ATXN1: variants seen among roughly 807,000 people sequenced by gnomAD.
The protein encoded by ATXN1 is ataxin 1.
A neutral mutation model predicts 56.4 loss-of-function variants in ATXN1; 8 were observed. That is an observed-to-expected ratio of 0.14 (90% CI 0.08 to 0.26). ATXN1 has a LOEUF of 0.26. ATXN1 is among the 10% of genes least tolerant of loss of function. The pLI is 1.00. For missense variants in ATXN1, 987 were observed against 1,106.5 expected, an observed-to-expected ratio of 0.89 and a Z score of 1.53; for synonymous variants, 514 against 494.6, an observed-to-expected ratio of 1.04 and a Z score of -0.52.
intron 4 of ATXN1, among the ~76,000 whole-genome samples, chr6:16,562,937 G>A (rs1427813520): frequency 1.3e-5 from 2 of 151,612 alleles, no homozygotes; most frequent in Non-Finnish European, 2.9e-5. Flanking sequence ...AGGAGAGGGA[G>A]ATAACCTAGG....
chr6:16,714,895 T>C (rs867592678), intron 2 of ATXN1, among the ~76,000 whole-genome samples: 25 of 151,754 alleles, frequency 1.6e-4, no homozygotes, highest in South Asian at 4.2e-4. Flanking sequence ...TTCTATGCCA[T>C]CAAGTCACAG....
At chr6:16,730,226 G>A (rs1471974093) in intron 2 of ATXN1, among the ~76,000 whole-genome samples, 1 of 152,144 alleles carries the variant, frequency 6.6e-6, no homozygotes, top group Non-Finnish European at 1.5e-5. Flanking sequence ...TTACAGTGAC[G>A]TGAGATTGTG....
intron 4 of ATXN1, among the ~76,000 whole-genome samples, chr6:16,581,485 T>C (rs1174839813): frequency 1.3e-5 from 2 of 151,512 alleles, no homozygotes. Context: ...ATAAAAGAAA[T>C]CTCTGAGCAG....
chr6:16,654,025 C>T (rs934262331), intron 3 of ATXN1, among the ~76,000 whole-genome samples: 3 of 152,154 alleles, frequency 2.0e-5, no homozygotes. Flanking sequence ...ATTCATAAGC[C>T]TGGTGTTGCT....
At chr6:16,549,561 G>A (rs1024801768) in intron 4 of ATXN1, among the ~76,000 whole-genome samples, 2 of 152,166 alleles carry the variant, frequency 1.3e-5, no homozygotes, top group Non-Finnish European at 2.9e-5. Flanking sequence ...GGATACCACC[G>A]ATGCCCCAGG....
At chr6:16,736,942 T>C (rs777286583) in intron 2 of ATXN1, 4 of 152,202 alleles carry the variant, frequency 2.6e-5, no homozygotes, top group Non-Finnish European at 5.9e-5. Flanking sequence ...AGCAAGATCA[T>C]TGCTCCTTCA....
At chr6:16,672,857 A>G (rs1344000699) in intron 2 of ATXN1, among the ~76,000 whole-genome samples, 1 of 152,008 alleles carries the variant, frequency 6.6e-6, no homozygotes, top group East Asian at 1.9e-4. Context: ...CCACTCTAGT[A>G]AAAATATAAA....
intron 4 of ATXN1, among the ~76,000 whole-genome samples, chr6:16,579,486 C>CCCCCA (rs1554117224): frequency 1.7e-5 from 1 of 58,248 alleles, no homozygotes; most frequent in Non-Finnish European, 5.8e-5. Flanking sequence ...CAAAGCCCCC[C>CCCCCA]CCCCCCACCC....
At chr6:16,682,592 T>G (rs749688835) in intron 2 of ATXN1, among the ~76,000 whole-genome samples, 8 of 152,130 alleles carry the variant, frequency 5.3e-5, no homozygotes, top group South Asian at 2.1e-4. Flanking sequence ...GAAAGGAACA[T>G]GTAAAAGTGG....
Position 16,306,667 on chromosome 6 carries a change from C to A in ATXN1, c.2110G>T (p.Ala704Ser). 6.2e-7 allele frequency: 1 copy of A among 1,614,202 alleles called. No individual in the cohort carries two copies. The highest frequency in any genetic ancestry group is 1.1e-5 in the South Asian group (1 of 91,088). ...TTTGAGTGCTTCAGCAGGACGCTGGCGGGATCCACGGGCTGGCCCTTTTTA... is the reference window on the plus strand; with the variant it reads ...TTTGAGTGCTTCAGCAGGACGCTGGAGGGATCCACGGGCTGGCCCTTTTTA... Reference protein sequence around the residue: ...SVKKGQPVDPASVLLKHSKAD... With the variant: ...SVKKGQPVDPSSVLLKHSKAD... The change falls in exon 8 of 8, where the codon GCC (alanine) becomes TCC (serine). Residue 704 changes from alanine to serine, a missense_variant. Ala to Ser is a moderately conservative substitution (Grantham distance 99). Around this residue, in one of 3 missense-constraint regions of ATXN1, gnomAD observed 196 missense variants for 196.7 expected, o/e 1.00. Transcript: ENST00000436367. The surrounding 1 kb of genome is among the most constrained non-coding windows in gnomAD (Gnocchi z 5.2).
At chr6:16,491,090 ATTT>A (rs35884389) in intron 5 of ATXN1, among the ~76,000 whole-genome samples, 2 of 78,306 alleles carry the variant, frequency 2.6e-5, no homozygotes, top group Non-Finnish European at 4.4e-5. Context: ...GGATCCCTGG[ATTT>A]TTTTTTTTTT....
chr6:16,645,005 T>A (rs1441677898), intron 3 of ATXN1, among the ~76,000 whole-genome samples: 1 of 152,218 alleles, frequency 6.6e-6, no homozygotes, highest in Non-Finnish European at 1.5e-5. Flanking sequence ...TTACATAATA[T>A]GTGCTTGTAG....
chr6:16,636,844 C>T (rs530776022), intron 3 of ATXN1, among the ~76,000 whole-genome samples: 4 of 152,128 alleles, frequency 2.6e-5, no homozygotes, highest in Admixed American at 2.6e-4. Context: ...AATAAAGGAA[C>T]TCTTTGAAAA....
intron 2 of ATXN1, among the ~76,000 whole-genome samples, chr6:16,660,048 T>A (rs1758285163): frequency 6.6e-6 from 1 of 152,250 alleles, no homozygotes; most frequent in African/African-American, 2.4e-5. Flanking sequence ...ATCGCTGACC[T>A]TCATTTGCAC....
At chr6:16,525,116 C>T (rs1285110729) in intron 4 of ATXN1, among the ~76,000 whole-genome samples, 1 of 152,084 alleles carries the variant, frequency 6.6e-6, no homozygotes, top group Non-Finnish European at 1.5e-5. Context: ...TTTCCTCACC[C>T]CTCACAAGTA....
intron 5 of ATXN1, among the ~76,000 whole-genome samples, chr6:16,520,053 A>C (rs1761257412): frequency 6.6e-6 from 1 of 152,178 alleles, no homozygotes; most frequent in Non-Finnish European, 1.5e-5. Flanking sequence ...GTTGCTATGG[A>C]ACCAATGCAT....
In ATXN1 at chr6:16,554,462, A is replaced by G. The variant is rs1026666194; in HGVS notation, c.-361+31318T>C. Among the ~76,000 whole-genome samples, 3 of 151,872 alleles carry G rather than the reference A, an allele frequency of 2.0e-5. No individual in the cohort carries two copies. In the South Asian group the frequency reaches 6.2e-4, roughly 32 times the overall value. On this transcript the variant is annotated intron_variant, in intron 4 of 7. Transcript: ENST00000436367. The stretch of plus-strand genomic sequence containing the variant: ...TGTCCCTCATGTCTACAGCTTTTTT[A>G]TTTTTTGAGATGGAGTTTGGTTCTT...
At chr6:16,388,767 A>G (rs569785753) in intron 6 of ATXN1, among the ~76,000 whole-genome samples, 22 of 152,320 alleles carry the variant, frequency 1.4e-4, no homozygotes, top group African/African-American at 5.3e-4. Context: ...GCCTCTGCTC[A>G]TGGGTTACTG....
At position 16,760,938 on chromosome 6, in the gene ATXN1, G is replaced by T. The variant is rs1177306362; in HGVS notation, c.-730+360C>A. Among the ~76,000 whole-genome samples the T allele has an allele frequency of 6.8e-6, 1 of 147,568 alleles. No homozygotes were observed. Among genetic ancestry groups the T allele is most frequent in the South Asian group, 2.1e-4 (1 of 4,728 alleles). On this transcript the variant is annotated intron_variant, in intron 1 of 7. Transcript: ENST00000436367. This position sits in a 1 kb window ranked among gnomAD's most constrained non-coding sequence, Gnocchi z 5.3. ...CTCTCCCCGCCCGCGCCCCCCGCCC[G>T]GGCGCGCCCCCTAGCCCGGCGGGCG...
Sources: gnomAD v4.1 joint callset for allele counts (sites outside exome capture counted in the v4.1 genomes callset) on GRCh38, gnomAD v4.1.1 for gene constraint, gnomAD v4.1.1 regional missense constraint, Gnocchi (gnomAD v3.1) non-coding constraint, MANE v1.5 for transcripts, NCBI Gene and HGNC (gene_info 2026-07-23, HGNC 2026-07-21) for gene names.